The following DCTN1 variants were observed in gnomAD, a reference collection of about 807,000 sequenced individuals.
The protein encoded by DCTN1 is dynactin subunit 1.
A neutral mutation model predicts 161.2 loss-of-function variants in DCTN1; 61 were observed. The observed-to-expected ratio is 0.38, with a 90% CI of 0.31 to 0.47. The LOEUF is 0.47. Ranked by LOEUF, DCTN1 falls within the 20% of genes least tolerant of loss-of-function variation. The pLI, the probability that DCTN1 is intolerant of heterozygous loss-of-function variation, is 0.99. For missense variants in DCTN1, 1,404 were observed against 1,623.7 expected (o/e 0.86, Z 2.33); for synonymous variants, 653 against 632.4 (o/e 1.03, Z -0.49).
intron 5 of DCTN1, chr2:74,374,610 C>A (rs1423268121): frequency 6.3e-6 from 8 of 1,260,954 alleles, no homozygotes; most frequent in Non-Finnish European, 8.1e-6. Context: ...CAGGCTCCGG[C>A]AGGCACCGGA....
Position 74,372,942 on chromosome 2 carries a change from T to C in DCTN1, c.439A>G (p.Thr147Ala), listed in dbSNP as rs371437767. 1.2e-5 allele frequency: 19 copies of C among 1,613,838 alleles called. 1 individual carries two copies. Among genetic ancestry groups the C allele is most frequent in the South Asian group, 2.2e-5 (2 of 91,080 alleles). ...TGTTTTCTCACCTTGGGTCGCCGAG[T>C]TGTGGTCTGGACAGGCAACAGGAGC... ...KKAPTARKTT[T>A]RRPKPTRPAS... The change falls in exon 7 of 32, where the codon ACT becomes GCT. Residue 147 changes from threonine to alanine, a missense_variant. By Grantham distance (58) the Thr-to-Ala change is moderately conservative. Coordinates refer to ENST00000628224, the MANE Select transcript of DCTN1 (RefSeq NM_004082.5).
At position 74,367,114 on chromosome 2, in the gene DCTN1, G is replaced by C; in HGVS notation, c.2254-7C>G. The C allele has an allele frequency of 6.2e-7, 1 of 1,614,104 alleles. No homozygotes were observed. Among genetic ancestry groups the C allele is most frequent in the Non-Finnish European group, 8.5e-7 (1 of 1,180,016 alleles). ...CCAGAGCACTCTGCGTGAACTGTGA[G>C]GATAGAAGCATGCAATCATCAGCCC... On this transcript the variant is annotated splice_region_variant and splice_polypyrimidine_tract_variant and intron_variant, in intron 19 of 31. Coordinates refer to ENST00000628224, the MANE Select transcript of DCTN1 (RefSeq NM_004082.5).
At chr2:74,376,013 G>C (rs755351072) in intron 5 of DCTN1, among the ~76,000 whole-genome samples, 21 of 152,196 alleles carry the variant, frequency 1.4e-4, no homozygotes, top group Non-Finnish European at 2.9e-4. Flanking sequence ...AGCTTGGGCA[G>C]AGGCCCAAGG....
chr2:74,378,471 G>A (rs1675352658), intron 1 of DCTN1, among the ~76,000 whole-genome samples: 1 of 152,202 alleles, frequency 6.6e-6, no homozygotes, highest in East Asian at 1.9e-4. Context: ...GAATTTTTAA[G>A]TTTATATTTT....
At chr2:74,389,407 G>A (rs1168307451) in intron 1 of DCTN1, among the ~76,000 whole-genome samples, 1 of 152,146 alleles carries the variant, frequency 6.6e-6, no homozygotes, top group Non-Finnish European at 1.5e-5. Flanking sequence ...AGTAGCTGTA[G>A]ACAGGCCAAG....
chr2:74,365,771 T>C, intron 24 of DCTN1, 114 bp from the exon 25 acceptor site: 3 of 1,610,922 alleles, frequency 1.9e-6, no homozygotes, highest in South Asian at 2.2e-5. Flanking sequence ...CTCCCATTGA[T>C]TGCAGGCCCC....
intron 7 of DCTN1, among the ~76,000 whole-genome samples, chr2:74,372,575 C>T (rs1674942282): frequency 6.6e-6 from 1 of 152,240 alleles, no homozygotes; most frequent in Non-Finnish European, 1.5e-5. Flanking sequence ...ACACACTCAC[C>T]TCCTTATCCC....
chr2:74,375,657 G>A (rs1175752685), intron 5 of DCTN1, among the ~76,000 whole-genome samples: 1 of 152,170 alleles, frequency 6.6e-6, no homozygotes, highest in East Asian at 1.9e-4. Flanking sequence ...TGAAATGGAA[G>A]CCCCAACCAG....
At chr2:74,384,351 G>C (rs1675638593), upstream of DCTN1, among the ~76,000 whole-genome samples, 1 of 152,180 alleles carries the variant, frequency 6.6e-6, no homozygotes, top group South Asian at 2.1e-4. Context: ...TCTACAGGTA[G>C]GTGCTCCTTC....
At chr2:74,387,654 GTC>G (rs1214051905) in intron 1 of DCTN1, among the ~76,000 whole-genome samples, 9 of 152,198 alleles carry the variant, frequency 5.9e-5, no homozygotes, top group African/African-American at 2.2e-4. Flanking sequence ...TGTTTCTCCA[GTC>G]TCTCTCAGAT....
rs369941209 is a variant in DCTN1, at chr2:74,365,053, CT to C, written c.3196+21del. 637 of 1,613,902 alleles carry C rather than the reference CT, an allele frequency of 3.9e-4. 5 individuals are homozygous for C. The African/African-American group carries it at 5.8e-3, about 15-fold the overall frequency. The stretch of plus-strand genomic sequence containing the variant: ...GAAGACAATCTCCTCTGTGCTAGTG[CT>C]GCCTATTCCACAGTACTCACCACCA... On this transcript the variant is annotated intron_variant, in intron 26 of 31. Transcript: ENST00000628224.
chr2:74,374,608 G>A (rs1054453150), intron 5 of DCTN1: 176 of 1,260,904 alleles, frequency 1.4e-4, no homozygotes, highest in Non-Finnish European at 1.7e-4. Context: ...GCCAGGCTCC[G>A]GCAGGCACCG....
chr2:74,389,702 C>CA (rs1342396306), intron 1 of DCTN1, among the ~76,000 whole-genome samples: 1 of 152,142 alleles, frequency 6.6e-6, no homozygotes, highest in Non-Finnish European at 1.5e-5. Flanking sequence ...AAAATTAAGG[C>CA]AAATCATTTA....
chr2:74,390,419 C>T (rs60603688), intron 1 of DCTN1, among the ~76,000 whole-genome samples: 6,904 of 152,254 alleles, frequency 0.045, 548 homozygotes, highest in African/African-American at 0.16. Flanking sequence ...GCCCTATATG[C>T]AGATAATTGC....
upstream of DCTN1, among the ~76,000 whole-genome samples, chr2:74,383,169 C>A (rs1281169589): frequency 6.6e-6 from 1 of 152,052 alleles, no homozygotes; most frequent in African/African-American, 2.4e-5. Flanking sequence ...ACAGTATGAA[C>A]AGAGGCAGAA....
At chr2:74,391,536 G>A (rs1675998282) in intron 1 of DCTN1, 2 of 317,912 alleles carry the variant, frequency 6.3e-6, no homozygotes, top group Non-Finnish European at 1.2e-5. Flanking sequence ...GAACGGAGGG[G>A]AGACCCTTGC....
intron 5 of DCTN1, among the ~76,000 whole-genome samples, chr2:74,375,676 A>C (rs899147931): frequency 6.6e-5 from 10 of 152,158 alleles, no homozygotes; most frequent in African/African-American, 2.4e-4. Flanking sequence ...AGGAGACAAT[A>C]ATCAAAGGAC....
At position 74,370,701 on chromosome 2, in the gene DCTN1, T is replaced by C; in HGVS notation, c.968A>G (p.Gln323Arg). 1 of 1,614,166 alleles carries C rather than the reference T, an allele frequency of 6.2e-7. No homozygotes were observed. The highest frequency in any genetic ancestry group is 8.5e-7 in the Non-Finnish European group (1 of 1,180,022). ...MAEERAESLQ[Q>R]EVEALKERVD... Reference sequence around the variant, plus strand: ...CCGCTCCTTCAGTGCCTCCACCTCCTGCTGCAGGGACTCAGCCCGCTCTTC... The same window carrying C: ...CCGCTCCTTCAGTGCCTCCACCTCCCGCTGCAGGGACTCAGCCCGCTCTTC... The change falls in exon 10 of 32, where the codon CAG becomes CGG. Residue 323 changes from glutamine (Q) to arginine (R), a missense_variant. Gln to Arg is a conservative substitution (Grantham distance 43, BLOSUM62 1). Around this residue, in one of 9 missense-constraint regions of DCTN1, gnomAD observed 5 missense variants for 23.4 expected, o/e 0.21. Coordinates refer to ENST00000628224, the MANE Select transcript of DCTN1 (RefSeq NM_004082.5). This position sits in a 1 kb window ranked among gnomAD's most constrained non-coding sequence, Gnocchi z 4.4.
rs374006190 is a variant in DCTN1, at chr2:74,361,508, G to A, written c.3828C>T (p.Leu1276=). Residue 1276 remains leucine (L), a synonymous_variant, in exon 32 of 32, where the codon CTC becomes CTT. Transcript: ENST00000628224. ...QEQLHQLHSR[L]IS is the part of the protein sequence containing the mutation. Reference sequence around the variant, plus strand: ...CAGGGGAAAGGAGTGCTTAGGAGATGAGGCGACTGTGAAGCTGGTGCAGCT... The same window carrying A: ...CAGGGGAAAGGAGTGCTTAGGAGATAAGGCGACTGTGAAGCTGGTGCAGCT... The A allele has an allele frequency of 5.0e-6, 8 of 1,614,138 alleles. No homozygotes were observed. Among genetic ancestry groups the A allele is most frequent in the Non-Finnish European group, 6.8e-6 (8 of 1,180,010 alleles).
Sources: allele counts gnomAD v4.1 joint callset (sites outside exome capture counted in the v4.1 genomes callset), GRCh38; gene constraint gnomAD v4.1.1; regional missense constraint gnomAD v4.1.1; non-coding constraint Gnocchi (gnomAD v3.1); transcripts MANE v1.5; gene names NCBI Gene and HGNC (gene_info 2026-07-23, HGNC 2026-07-21).